Variants in ANKFN1 observed in about 807,000 individuals in gnomAD.
The protein encoded by ANKFN1 is ankyrin repeat and fibronectin type-III domain-containing protein 1.
ANKFN1 carries 74 observed loss-of-function variants against 108.7 expected under a neutral mutation model. That is an observed-to-expected ratio of 0.68 (90% CI 0.56 to 0.83). ANKFN1 has a LOEUF of 0.83. Ranked by LOEUF, ANKFN1 falls within the 40% of genes least tolerant of loss-of-function variation. ANKFN1 has a pLI of 0.00. For missense variants in ANKFN1, 1,505 were observed against 1,382.3 expected (o/e 1.09, Z -1.41); for synonymous variants, 547 against 516.2 (o/e 1.06, Z -0.81).
chr17:56,121,222 G>C (rs908495055), intron 4 of ANKFN1, among the ~76,000 whole-genome samples: 2 of 151,370 alleles, frequency 1.3e-5, no homozygotes, highest in Non-Finnish European at 2.9e-5. Flanking sequence ...TTTTTTCTTG[G>C]TGTCGCCCAG....
At chr17:56,230,456 G>C (rs1916648550) in intron 3 of ANKFN1, among the ~76,000 whole-genome samples, 2 of 152,086 alleles carry the variant, frequency 1.3e-5, no homozygotes, top group African/African-American at 4.8e-5. Context: ...AAAATGCTTT[G>C]TATTACCAAT....
At chr17:56,091,655 T>C (rs1165228635) in intron 4 of ANKFN1, among the ~76,000 whole-genome samples, 2 of 151,436 alleles carry the variant, frequency 1.3e-5, no homozygotes, top group African/African-American at 4.8e-5. Flanking sequence ...ATAAAGCAAA[T>C]TGGGAGCCAG....
intron 19 of ANKFN1, among the ~76,000 whole-genome samples, chr17:56,493,643 G>C (rs1239240368): frequency 6.6e-6 from 1 of 152,052 alleles, no homozygotes; most frequent in Non-Finnish European, 1.5e-5. Context: ...CCAAAGTTTT[G>C]AAGAAAGTTA....
chr17:56,391,212 CAT>C (rs202114506), intron 8 of ANKFN1, among the ~76,000 whole-genome samples: 7,933 of 119,596 alleles, frequency 0.066, 252 homozygotes, highest in African/African-American at 0.12. Context: ...CCCAAGAATA[CAT>C]ATATATATAT....
chr17:56,168,132 T>C (rs1910331277), intron 1 of ANKFN1, among the ~76,000 whole-genome samples: 1 of 151,988 alleles, frequency 6.6e-6, no homozygotes, highest in Non-Finnish European at 1.5e-5. Context: ...CCAGGCATGG[T>C]GGTGCATGCC....
chr17:56,408,845 G>A (rs1598551373), intron 8 of ANKFN1, among the ~76,000 whole-genome samples: 1 of 151,544 alleles, frequency 6.6e-6, no homozygotes, highest in Non-Finnish European at 1.5e-5. Flanking sequence ...GGGTTTGAAC[G>A]CAAAAAGTAA....
rs1215787104 is a variant in ANKFN1, at chr17:56,350,824, A to C, written c.247A>C (p.Lys83Gln). 1 of 1,613,896 alleles carries C rather than the reference A, an allele frequency of 6.2e-7. No homozygotes were observed. Among genetic ancestry groups the C allele is most frequent in the Admixed American group, 1.7e-5 (1 of 59,980 alleles). Residue 83 changes from lysine to glutamine, a missense_variant, in exon 5 of 21, where the codon AAA becomes CAA. Lys to Gln is a moderately conservative substitution (Grantham distance 53). Coordinates refer to ENST00000682825, the MANE Select transcript of ANKFN1 (RefSeq NM_001370326.1). ...MQNLHLCQSKKHSAPSSPNAA... is the reference protein window; with the variant it reads ...MQNLHLCQSKQHSAPSSPNAA... ...AAATTTACATCTCTGTCAGTCAAAA[A>C]AACATAGTGCTCCCTCATCTCCCAA...
At chr17:56,415,281 G>A (rs1023507400) in intron 8 of ANKFN1, among the ~76,000 whole-genome samples, 1 of 152,140 alleles carries the variant, frequency 6.6e-6, no homozygotes, top group African/African-American at 2.4e-5. Context: ...TTGTTGGCAG[G>A]TGATATGATC....
intron 4 of ANKFN1, among the ~76,000 whole-genome samples, chr17:56,123,194 A>T (rs1161802053): frequency 6.6e-6 from 1 of 152,240 alleles, no homozygotes; most frequent in Admixed American, 6.5e-5. Flanking sequence ...CATTTTAGCT[A>T]GTGCTAAATC....
At chr17:56,210,503 T>A (rs1288702591) in intron 1 of ANKFN1, among the ~76,000 whole-genome samples, 1 of 152,232 alleles carries the variant, frequency 6.6e-6, no homozygotes, top group Middle Eastern at 3.2e-3. Context: ...TGTTAAGCAT[T>A]TTTTTCATAT....
intron 1 of ANKFN1, among the ~76,000 whole-genome samples, chr17:56,187,149 A>G (rs1912296748): frequency 6.6e-6 from 1 of 152,340 alleles, no homozygotes; most frequent in South Asian, 2.1e-4. Flanking sequence ...TGAACAGGCA[A>G]CCTACACAAT....
intron 14 of ANKFN1, among the ~76,000 whole-genome samples, chr17:56,464,846 A>G (rs1328096857): frequency 6.6e-6 from 1 of 152,182 alleles, no homozygotes; most frequent in African/African-American, 2.4e-5. Flanking sequence ...AGGGTAAATA[A>G]TTTTTTCAGA....
chr17:56,162,135 AC>A (rs1471425428), intron 1 of ANKFN1, among the ~76,000 whole-genome samples: 1 of 152,234 alleles, frequency 6.6e-6, no homozygotes, highest in Non-Finnish European at 1.5e-5. Flanking sequence ...CACCAAGAAT[AC>A]ATAAAACTAA....
At chr17:56,107,373 A>C (rs1295918046) in intron 4 of ANKFN1, among the ~76,000 whole-genome samples, 1 of 152,192 alleles carries the variant, frequency 6.6e-6, no homozygotes, top group Non-Finnish European at 1.5e-5. Flanking sequence ...CAATCGCTAG[A>C]CCATCATTCA....
At chr17:56,212,267 A>C (rs1020043458) in intron 1 of ANKFN1, among the ~76,000 whole-genome samples, 4 of 151,958 alleles carry the variant, frequency 2.6e-5, no homozygotes, top group African/African-American at 9.7e-5. Context: ...GGATTTTGTC[A>C]AATGCTTTTT....
intron 3 of ANKFN1, among the ~76,000 whole-genome samples, chr17:56,231,720 A>G (rs1401550613): frequency 6.6e-6 from 1 of 152,216 alleles, no homozygotes; most frequent in Non-Finnish European, 1.5e-5. Context: ...TAAAAGGACA[A>G]TAAAGGTAAT....
chr17:56,428,012 C>G (rs1351492216), intron 8 of ANKFN1, among the ~76,000 whole-genome samples: 2 of 152,188 alleles, frequency 1.3e-5, no homozygotes, highest in East Asian at 3.9e-4. Context: ...GCAGGTGGAT[C>G]ACCTGAGATC....
chr17:56,373,450 A>C (rs1011557373), intron 7 of ANKFN1, among the ~76,000 whole-genome samples: 1 of 152,230 alleles, frequency 6.6e-6, no homozygotes, highest in African/African-American at 2.4e-5. Context: ...CTCCTGATAC[A>C]AAAACAAAAT....
At chr17:56,493,638 GT>G (rs1427111833) in intron 19 of ANKFN1, among the ~76,000 whole-genome samples, 1 of 152,080 alleles carries the variant, frequency 6.6e-6, no homozygotes, top group South Asian at 2.1e-4. Flanking sequence ...GCTACCCAAA[GT>G]TTTGAAGAAA....
Sources: gnomAD v4.1 joint callset for allele counts (sites outside exome capture counted in the v4.1 genomes callset) on GRCh38, gnomAD v4.1.1 for gene constraint, MANE v1.5 for transcripts, NCBI Gene and HGNC (gene_info 2026-07-23, HGNC 2026-07-21) for gene names.